ZNF280D: variants seen among roughly 807,000 people sequenced by gnomAD.
The protein encoded by ZNF280D is suppressor of hairy wing homolog 4.
ZNF280D carries 39 observed loss-of-function variants against 94.7 expected under a neutral mutation model. The observed-to-expected ratio is 0.41, with a 90% CI of 0.32 to 0.54. The LOEUF (loss-of-function observed/expected upper bound fraction) is 0.54. Ranked by LOEUF, ZNF280D falls within the 20% of genes least tolerant of loss-of-function variation. The pLI, the probability that ZNF280D is intolerant of heterozygous loss-of-function variation, is 0.22. For synonymous variants in ZNF280D, 398 were observed against 377.6 expected (o/e 1.05, Z -0.63); for missense variants, 1,090 against 1,149.3 (o/e 0.95, Z 0.75).
chr15:56,699,508 A>G (rs1175383231), intron 6 of ZNF280D: 2 of 877,880 alleles, frequency 2.3e-6, no homozygotes, highest in African/African-American at 3.6e-5. Flanking sequence ...CATGACTGAA[A>G]TAAAATAGTG....
At chr15:56,675,405 A>G (rs2055152463) in intron 13 of ZNF280D, among the ~76,000 whole-genome samples, 1 of 151,814 alleles carries the variant, frequency 6.6e-6, no homozygotes, top group Admixed American at 6.6e-5. Context: ...TCTGTTCATA[A>G]AGAAATGCAC....
intron 13 of ZNF280D, among the ~76,000 whole-genome samples, chr15:56,676,012 T>C (rs1444302901): frequency 6.6e-6 from 1 of 151,918 alleles, no homozygotes; most frequent in African/African-American, 2.4e-5. Context: ...AAGCATAATA[T>C]CAGAATTCAA....
intron 9 of ZNF280D, among the ~76,000 whole-genome samples, chr15:56,683,657 T>C (rs1317927085): frequency 6.6e-6 from 1 of 152,168 alleles, no homozygotes; most frequent in Non-Finnish European, 1.5e-5. Context: ...GCCCTAAAAA[T>C]TTAGGTGGGT....
intron 21 of ZNF280D, among the ~76,000 whole-genome samples, chr15:56,632,716 C>T (rs2052144046): frequency 6.6e-6 from 1 of 151,734 alleles, no homozygotes; most frequent in African/African-American, 2.4e-5. Flanking sequence ...GGCTGGTCTC[C>T]TGGGCTCAAG....
At chr15:56,635,026 T>C (rs1329480419) in intron 21 of ZNF280D, 169 bp downstream of exon 21, 2 of 348,424 alleles carry the variant, frequency 5.7e-6, no homozygotes, top group Non-Finnish European at 1.0e-5. Context: ...GAGAATATTT[T>C]TCTTGGATTA....
intron 4 of ZNF280D, among the ~76,000 whole-genome samples, chr15:56,703,515 T>C (rs1392613500): frequency 6.6e-6 from 1 of 152,172 alleles, no homozygotes; most frequent in Non-Finnish European, 1.5e-5. Flanking sequence ...ATGTTTTATT[T>C]TCTCTTCTGG....
intron 13 of ZNF280D, among the ~76,000 whole-genome samples, chr15:56,675,984 T>G (rs2055203794): frequency 1.3e-5 from 2 of 151,474 alleles, no homozygotes; most frequent in Admixed American, 1.3e-4. Context: ...GTTTAATTGC[T>G]TCAGGAAAAG....
intron 21 of ZNF280D, 95 bp from the exon 22 acceptor site, chr15:56,632,217 A>G: frequency 2.5e-6 from 3 of 1,217,512 alleles, no homozygotes; most frequent in Non-Finnish European, 3.3e-6. Flanking sequence ...TAAAAAGTCA[A>G]GGTACATTTG....
chr15:56,698,836 T>G (rs1370301337), intron 6 of ZNF280D: 1 of 152,204 alleles, frequency 6.6e-6, no homozygotes, highest in East Asian at 1.9e-4. Context: ...AGATTCTCAG[T>G]CCAACATCCC....
intron 6 of ZNF280D, among the ~76,000 whole-genome samples, chr15:56,695,978 A>T (rs1040804745): frequency 6.6e-6 from 1 of 152,220 alleles, no homozygotes; most frequent in South Asian, 2.1e-4. Flanking sequence ...GAGAAACATA[A>T]AAGTTTTATT....
At chr15:56,703,983 A>C in intron 4 of ZNF280D, 138 bp downstream of exon 4, 1 of 866,708 alleles carries the variant, frequency 1.2e-6, no homozygotes, top group African/African-American at 1.8e-5. Flanking sequence ...TTAATCTCTT[A>C]CCTCCTTCCT....
intron 9 of ZNF280D, among the ~76,000 whole-genome samples, chr15:56,683,662 G>A (rs1461085682): frequency 3.9e-5 from 6 of 152,114 alleles, no homozygotes; most frequent in Non-Finnish European, 8.8e-5. Flanking sequence ...AAAAATTTAG[G>A]TGGGTTTTTC....
intron 1 of ZNF280D, 36 bp from the exon 2 acceptor site, chr15:56,707,342 T>C: frequency 1.3e-6 from 2 of 1,497,578 alleles, no homozygotes; most frequent in Non-Finnish European, 1.8e-6. Context: ...AGGGTGGACT[T>C]CATTAAATTA....
At chr15:56,679,021 C>T (rs2055437514) in intron 10 of ZNF280D, among the ~76,000 whole-genome samples, 200 bp from the exon 11 acceptor site, 1 of 152,102 alleles carries the variant, frequency 6.6e-6, no homozygotes, top group South Asian at 2.1e-4. Context: ...TTTACCTTTG[C>T]TTTAAAATAA....
intron 13 of ZNF280D, among the ~76,000 whole-genome samples, chr15:56,675,203 C>G (rs2140951044): frequency 6.6e-6 from 1 of 152,072 alleles, no homozygotes; most frequent in African/African-American, 2.4e-5. Context: ...CATAGCAGGT[C>G]CCCAAATCTC....
chr15:56,684,857 T>C (rs531574634), intron 9 of ZNF280D, among the ~76,000 whole-genome samples: 1 of 152,276 alleles, frequency 6.6e-6, no homozygotes, highest in South Asian at 2.1e-4. Context: ...AATCCAAATA[T>C]ACAGGTTGAA....
intron 1 of ZNF280D, among the ~76,000 whole-genome samples, chr15:56,729,380 G>C (rs1422086397): frequency 3.9e-5 from 6 of 152,140 alleles, no homozygotes; most frequent in Admixed American, 3.3e-4. Flanking sequence ...AAATGGAAAA[G>C]CAAAAGAAGT....
intron 1 of ZNF280D, among the ~76,000 whole-genome samples, chr15:56,707,881 A>G (rs1471372687): frequency 6.6e-6 from 1 of 151,902 alleles, no homozygotes; most frequent in Non-Finnish European, 1.5e-5. Flanking sequence ...TTAAGACTTC[A>G]GAAGTTTACA....
chr15:56,683,578 C>T (rs1596485560), intron 9 of ZNF280D, among the ~76,000 whole-genome samples: 1 of 152,150 alleles, frequency 6.6e-6, no homozygotes, highest in Admixed American at 6.5e-5. Context: ...AAATATCAGG[C>T]ACCATCTATC....
Sources: allele counts gnomAD v4.1 joint callset (sites outside exome capture counted in the v4.1 genomes callset), GRCh38; gene constraint gnomAD v4.1.1; transcripts MANE v1.5; gene names NCBI Gene and HGNC (gene_info 2026-07-23, HGNC 2026-07-21).